Variants in LMNB1 observed in about 807,000 individuals in gnomAD.
LMNB1 encodes lamin B1.
LMNB1 carries 23 observed loss-of-function variants against 67.1 expected under a neutral mutation model. The observed-to-expected ratio is 0.34, with a 90% confidence interval of 0.25 to 0.49. The LOEUF (loss-of-function observed/expected upper bound fraction) is 0.49. Among genes scored for constraint, LMNB1 ranks in the 20% least tolerant of loss-of-function variants. The probability of loss-of-function intolerance (pLI) is 0.99; values close to 1 mark genes in which losing one functional copy is unlikely to be tolerated. For synonymous variants in LMNB1, 281 were observed against 282.9 expected (o/e 0.99, Z 0.07); for missense variants, 634 against 746.5 (o/e 0.85, Z 1.76).
At chr5:126,778,154 A>G (rs1257658279) in intron 1 of LMNB1, among the ~76,000 whole-genome samples, 1 of 152,084 alleles carries the variant, frequency 6.6e-6, no homozygotes, top group Non-Finnish European at 1.5e-5. Context: ...ACTGCCGAGA[A>G]GGAGCTCCCG....
chr5:126,803,298 T>G (rs1478286310), intron 1 of LMNB1, among the ~76,000 whole-genome samples: 2 of 151,784 alleles, frequency 1.3e-5, no homozygotes, highest in African/African-American at 4.8e-5. Flanking sequence ...CAGGCTGGAG[T>G]GCAATGGCAC....
rs74556881 is a variant in LMNB1, at chr5:126,814,460, T to G, written c.939+2562T>G. Reference sequence around the variant, plus strand: ...CTGTTATTAATAAGTAGTAGTGGGCTCTGAAACTTAGTAGCTATGTGTTCT... The same window carrying G: ...CTGTTATTAATAAGTAGTAGTGGGCGCTGAAACTTAGTAGCTATGTGTTCT... On this transcript the variant is annotated intron_variant, in intron 5 of 10. Transcript: ENST00000261366. Among the ~76,000 whole-genome samples, 1,491 of 152,280 alleles carry G rather than the reference T, an allele frequency of 9.8e-3. 21 individuals are homozygous for G. The highest frequency in any genetic ancestry group is 0.033 in the African/African-American group (1,353 of 41,560).
intron 1 of LMNB1, among the ~76,000 whole-genome samples, chr5:126,789,402 A>G (rs909221355): frequency 1.3e-5 from 2 of 152,156 alleles, no homozygotes; most frequent in East Asian, 3.8e-4. Flanking sequence ...TGGCATCCAA[A>G]TTGGGATACT....
rs1309087517 is a variant in LMNB1, at chr5:126,777,676, G to A, written c.168G>A (p.Glu56=). 1.9e-6 allele frequency: 3 copies of A among 1,545,280 alleles called. No homozygotes were observed. The highest frequency in any genetic ancestry group is 2.5e-5 in the East Asian group (1 of 40,280). ...YIDKVRSLET[E]NSALQLQVTE... ...ACAAGGTGCGCAGCCTGGAGACGGA[G>A]AACAGCGCGCTGCAGCTGCAGGTGA... Residue 56 remains glutamate (E), a synonymous_variant, in exon 1 of 11, where the codon GAG becomes GAA. Transcript: ENST00000261366.
chr5:126,835,815 G>T (rs1752235112), intron 10 of LMNB1, among the ~76,000 whole-genome samples: 1 of 152,152 alleles, frequency 6.6e-6, no homozygotes, highest in African/African-American at 2.4e-5. Context: ...GGCCAGATAC[G>T]GTGGCTCACG....
At chr5:126,835,169 G>GA (rs1311034780) in intron 10 of LMNB1, among the ~76,000 whole-genome samples, 1 of 151,266 alleles carries the variant, frequency 6.6e-6, no homozygotes, top group East Asian at 1.9e-4. Context: ...GGTGAGAGAA[G>GA]AAAAAAAATA....
At chr5:126,800,074 A>G (rs750710116) in intron 1 of LMNB1, among the ~76,000 whole-genome samples, 1 of 152,158 alleles carries the variant, frequency 6.6e-6, no homozygotes, top group African/African-American at 2.4e-5. Flanking sequence ...GAGTTGTTAT[A>G]TTAAAGTAAA....
intron 1 of LMNB1, among the ~76,000 whole-genome samples, chr5:126,804,401 G>C (rs985588435): frequency 1.3e-5 from 2 of 151,994 alleles, no homozygotes; most frequent in Non-Finnish European, 2.9e-5. Context: ...TACAGTTCCT[G>C]TATGTTTTGG....
chr5:126,803,991 A>G (rs1216337318), intron 1 of LMNB1, among the ~76,000 whole-genome samples: 1 of 151,854 alleles, frequency 6.6e-6, no homozygotes, highest in Non-Finnish European at 1.5e-5. Context: ...AGTTCTTACT[A>G]ATATCAGGGG....
At chr5:126,799,418 A>G (rs533597230) in intron 1 of LMNB1, among the ~76,000 whole-genome samples, 48 of 152,362 alleles carry the variant, frequency 3.2e-4, no homozygotes, top group African/African-American at 9.6e-4. Flanking sequence ...TCACAAGGTA[A>G]GGACAGCTGT....
At chr5:126,796,833 G>T (rs1198617880) in intron 1 of LMNB1, among the ~76,000 whole-genome samples, 5 of 131,582 alleles carry the variant, frequency 3.8e-5, no homozygotes, top group African/African-American at 1.5e-4. Context: ...CTTTGACCCA[G>T]TTGGAGTGCA....
chr5:126,805,715 G>T lies in LMNB1; in HGVS notation c.642+19G>T, dbSNP rs750772703. ...TGAAGAGGTAACTATATATAATTTT[G>T]CTTTGTAAAGGAATGGAGGGGTTCT... On this transcript the variant is annotated intron_variant, in intron 3 of 10. Transcript: ENST00000261366. 2 of 1,578,132 alleles carry T rather than the reference G, an allele frequency of 1.3e-6. No individual in the cohort carries two copies. Among genetic ancestry groups the T allele is most frequent in the Admixed American group, 3.6e-5 (2 of 56,074 alleles).
At chr5:126,798,762 AGTGTGT>A (rs71665643) in intron 1 of LMNB1, among the ~76,000 whole-genome samples, 30 of 149,180 alleles carry the variant, frequency 2.0e-4, no homozygotes, top group East Asian at 2.0e-3. Context: ...AAAAAAGAGA[AGTGTGT>A]GTGTGTGTGT....
At chr5:126,815,240 TAACTC>T (rs1751679040) in intron 5 of LMNB1, 1 of 152,242 alleles carries the variant, frequency 6.6e-6, no homozygotes, top group Admixed American at 6.5e-5. Flanking sequence ...TTTGGTTAAA[TAACTC>T]AGGTTAGTGA....
At chr5:126,834,768 C>T (rs1214865809) in intron 10 of LMNB1, among the ~76,000 whole-genome samples, 2 of 151,994 alleles carry the variant, frequency 1.3e-5, no homozygotes, top group Admixed American at 6.6e-5. Context: ...CCCAGCTACT[C>T]GGGAGGCTGA....
intron 5 of LMNB1, among the ~76,000 whole-genome samples, chr5:126,814,979 C>A (rs751545224): frequency 6.6e-6 from 1 of 152,308 alleles, no homozygotes; most frequent in Non-Finnish European, 1.5e-5. Flanking sequence ...GACGAGCAAT[C>A]CCTTTAGCCA....
Position 126,804,817 on chromosome 5 carries a change from A to G in LMNB1, c.401A>G (p.Lys134Arg), listed in dbSNP as rs1751374954. 5.0e-6 allele frequency: 8 copies of G among 1,614,144 alleles called. No individual in the cohort carries two copies. The highest frequency in any genetic ancestry group is 6.8e-6 in the Non-Finnish European group (8 of 1,180,002). ...TCTGATCTTAATGGCGCCCAGATCA[A>G]GCTTCGAGAATATGAAGCAGCACTG... Reference protein sequence around the residue: ...KESDLNGAQIKLREYEAALNS... With the variant: ...KESDLNGAQIRLREYEAALNS... Residue 134 changes from lysine (K) to arginine (R), a missense_variant, in exon 2 of 11, where the codon AAG (lysine) becomes AGG (arginine). Transcript: ENST00000261366.
intron 1 of LMNB1, among the ~76,000 whole-genome samples, chr5:126,787,420 G>C (rs1395445270): frequency 9.1e-6 from 1 of 110,452 alleles, no homozygotes; most frequent in East Asian, 3.4e-4. Flanking sequence ...GTGTATGTGT[G>C]TGTATATATA....
chr5:126,815,209 A>G (rs1751678650), intron 5 of LMNB1: 1 of 152,214 alleles, frequency 6.6e-6, no homozygotes, highest in South Asian at 2.1e-4. Context: ...CATGCTGCCT[A>G]TTAGGCCATA....
Sources: gnomAD v4.1 joint callset for allele counts (sites outside exome capture counted in the v4.1 genomes callset) on GRCh38, gnomAD v4.1.1 for gene constraint, MANE v1.5 for transcripts, NCBI Gene and HGNC (gene_info 2026-07-23, HGNC 2026-07-21) for gene names.